Variants in SCN8A observed in about 807,000 individuals in gnomAD.
SCN8A encodes sodium voltage-gated channel alpha subunit 8, also known as sodium channel protein type 8 subunit alpha.
A neutral mutation model predicts 184.1 loss-of-function variants in SCN8A; 30 were observed. The observed-to-expected ratio is 0.16, with a 90% CI of 0.12 to 0.22. The LOEUF is 0.22. Among genes scored for constraint, SCN8A ranks in the 10% least tolerant of loss-of-function variants. The pLI is 1.00. For synonymous variants in SCN8A, 852 were observed against 907.0 expected, an observed-to-expected ratio of 0.94 and a Z score of 1.09; for missense variants, 1,057 against 2,498.9, an observed-to-expected ratio of 0.42 and a Z score of 12.30.
chr12:51,661,049 A>G (rs931491337), intron 1 of SCN8A, among the ~76,000 whole-genome samples: 3 of 152,208 alleles, frequency 2.0e-5, no homozygotes, highest in Non-Finnish European at 4.4e-5. Flanking sequence ...GTAGTGGGAC[A>G]TAGCAAAGGA....
rs1446232993 is a variant in SCN8A, at chr12:51,719,649, T to C, written c.1636-1897T>C. Reference sequence around the variant, plus strand: ...GAGTTCGAGATCAGCCTGGGCAACATAGAGAAGTAAATTCAGGGGTGAGCA... The same window carrying C: ...GAGTTCGAGATCAGCCTGGGCAACACAGAGAAGTAAATTCAGGGGTGAGCA... On this transcript the variant is annotated intron_variant, in intron 11 of 26. Coordinates refer to ENST00000627620, the MANE Select transcript of SCN8A (RefSeq NM_001330260.2). Among the ~76,000 whole-genome samples the C allele has an allele frequency of 3.7e-5, 3 of 81,478 alleles. No individual in the cohort carries two copies. The East Asian group carries it at 1.1e-3, about 29-fold the overall frequency. 53.5% of individuals were successfully genotyped at this position (81,478 alleles called of 152,430 possible). A position where few individuals can be genotyped will look rare whatever the true frequency, so the allele number is the denominator to read the frequency against.
chr12:51,745,520 T>C (rs1942495798), intron 12 of SCN8A, among the ~76,000 whole-genome samples: 1 of 152,210 alleles, frequency 6.6e-6, no homozygotes, highest in Non-Finnish European at 1.5e-5. Flanking sequence ...CTTCGTCATG[T>C]GGACCAATTC....
At chr12:51,699,954 A>G (rs1354353509) in intron 7 of SCN8A, among the ~76,000 whole-genome samples, 163 bp downstream of exon 7, 3 of 151,910 alleles carry the variant, frequency 2.0e-5, no homozygotes, top group African/African-American at 7.3e-5. Flanking sequence ...ATCACCTGAG[A>G]TTGGGAGTTT....
At chr12:51,786,500 T>A in intron 21 of SCN8A, 42 bp from the exon 22 acceptor site, 1 of 1,609,906 alleles carries the variant, frequency 6.2e-7, no homozygotes, top group South Asian at 1.1e-5. Flanking sequence ...GTGCTTGCTC[T>A]CATTTCCACC....
intron 16 of SCN8A, among the ~76,000 whole-genome samples, chr12:51,767,706 A>G (rs1942859883): frequency 6.6e-6 from 1 of 152,194 alleles, no homozygotes; most frequent in Admixed American, 6.5e-5. Context: ...TATTTTTAAC[A>G]AACATCCACA....
chr12:51,645,012 C>T (rs1438808223), intron 1 of SCN8A, among the ~76,000 whole-genome samples: 3 of 151,886 alleles, frequency 2.0e-5, no homozygotes, highest in Non-Finnish European at 4.4e-5. Flanking sequence ...GCAGCCACCT[C>T]GTCTGGGAGG....
In SCN8A at chr12:51,789,267, C is replaced by A. The variant is rs1156411784; in HGVS notation, c.4282-14C>A. 1.2e-6 allele frequency: 2 copies of A among 1,613,596 alleles called. No individual in the cohort carries two copies. Among genetic ancestry groups the A allele is most frequent in the Admixed American group, 3.3e-5 (2 of 59,992 alleles). ...AGGAGCTGATTCTCTTCCTTTTATCCTGTCCTTTGACAGCCTGATGAGCAG... is the reference window on the plus strand; with the variant it reads ...AGGAGCTGATTCTCTTCCTTTTATCATGTCCTTTGACAGCCTGATGAGCAG... On this transcript the variant is annotated splice_polypyrimidine_tract_variant and intron_variant, in intron 23 of 26. Coordinates refer to ENST00000627620, the MANE Select transcript of SCN8A (RefSeq NM_001330260.2).
chr12:51,731,164 T>C (rs747882741), intron 12 of SCN8A, among the ~76,000 whole-genome samples: 1 of 152,374 alleles, frequency 6.6e-6, no homozygotes, highest in South Asian at 2.1e-4. Context: ...TGAACAGTGC[T>C]GCAACAAACT....
chr12:51,667,774 A>G (rs1450129354), intron 2 of SCN8A, among the ~76,000 whole-genome samples: 1 of 152,186 alleles, frequency 6.6e-6, no homozygotes, highest in Non-Finnish European at 1.5e-5. Context: ...CTGACAGTTG[A>G]TATATGTGTC....
At chr12:51,788,526 C>A in intron 22 of SCN8A, 169 bp from the exon 23 acceptor site, 1 of 410,886 alleles carries the variant, frequency 2.4e-6, no homozygotes, top group Non-Finnish European at 4.3e-6. Context: ...GGAACAAAGC[C>A]CTCCTGGGAC....
intron 11 of SCN8A, among the ~76,000 whole-genome samples, chr12:51,719,904 G>A (rs1478722388): frequency 5.9e-5 from 9 of 151,528 alleles, no homozygotes; most frequent in Admixed American, 1.3e-4. Context: ...GTGAAACCCC[G>A]TCTCTACTAA....
At chr12:51,786,393 TG>T in intron 21 of SCN8A, 148 bp from the exon 22 acceptor site, 1 of 899,824 alleles carries the variant, frequency 1.1e-6, no homozygotes, top group Non-Finnish European at 1.7e-6. Flanking sequence ...TGGTCCTACT[TG>T]TCAGTCTGTC....
At chr12:51,668,883 C>T (rs1024281194) in intron 2 of SCN8A, among the ~76,000 whole-genome samples, 5 of 152,072 alleles carry the variant, frequency 3.3e-5, no homozygotes, top group African/African-American at 9.7e-5. Flanking sequence ...GATGGGGGTA[C>T]GTTCTGAGAA....
intron 13 of SCN8A, among the ~76,000 whole-genome samples, chr12:51,748,730 C>A (rs1281513318): frequency 6.6e-6 from 1 of 152,180 alleles, no homozygotes; most frequent in African/African-American, 2.4e-5. Flanking sequence ...AACTGACCAG[C>A]ATCAAGTGTC....
intron 1 of SCN8A, among the ~76,000 whole-genome samples, chr12:51,642,588 G>A (rs1179327742): frequency 6.6e-6 from 1 of 152,056 alleles, no homozygotes; most frequent in African/African-American, 2.4e-5. Context: ...GCCATTCATA[G>A]CTAGGCTACT....
intron 26 of SCN8A, among the ~76,000 whole-genome samples, chr12:51,797,751 G>T (rs1163827005): frequency 6.6e-6 from 1 of 152,136 alleles, no homozygotes; most frequent in Non-Finnish European, 1.5e-5. Flanking sequence ...TTGATAGTCT[G>T]GGTCAGTCAC....
At chr12:51,762,702 T>C (rs764945592) in intron 15 of SCN8A, 26 bp downstream of exon 15, 180 of 1,544,426 alleles carry the variant, frequency 1.2e-4, no homozygotes, top group Non-Finnish European at 1.5e-4. Context: ...CCAATTTCTT[T>C]TAACATTTCC....
chr12:51,604,852 C>G (rs1237305031), intron 1 of SCN8A, among the ~76,000 whole-genome samples: 1 of 151,080 alleles, frequency 6.6e-6, no homozygotes. Flanking sequence ...TTTTTTTTAG[C>G]TTTTATTTTA....
intron 14 of SCN8A, among the ~76,000 whole-genome samples, chr12:51,755,381 C>G (rs1355196904): frequency 2.6e-5 from 4 of 152,214 alleles, no homozygotes; most frequent in African/African-American, 9.7e-5. Flanking sequence ...CTTCTGATCC[C>G]TTTCACATGT....
Sources: gnomAD v4.1 joint callset for allele counts (sites outside exome capture counted in the v4.1 genomes callset) on GRCh38, gnomAD v4.1.1 for gene constraint, MANE v1.5 for transcripts, NCBI Gene and HGNC (gene_info 2026-07-23, HGNC 2026-07-21) for gene names.